Variants in NXN observed in about 807,000 individuals in gnomAD.
NXN encodes the protein nucleoredoxin, also known as nucleoredoxin 1.
A neutral mutation model predicts 48.6 loss-of-function variants in NXN; 16 were observed. The ratio of observed to expected loss-of-function variants is 0.33; its 90% confidence interval spans 0.22 to 0.50. The LOEUF (loss-of-function observed/expected upper bound fraction) is 0.50. Among genes scored for constraint, NXN ranks in the 20% least tolerant of loss-of-function variants. The probability of loss-of-function intolerance (pLI) is 0.98; values close to 1 mark genes in which losing one functional copy is unlikely to be tolerated. For synonymous variants in NXN, 281 were observed against 269.6 expected, an observed-to-expected ratio of 1.04 and a Z score of -0.41; for missense variants, 492 against 605.5, an observed-to-expected ratio of 0.81 and a Z score of 1.97.
At chr17:951,161 AC>A (rs1296466401) in intron 1 of NXN, among the ~76,000 whole-genome samples, 1 of 127,174 alleles carries the variant, frequency 7.9e-6, no homozygotes, top group Non-Finnish European at 1.6e-5. Flanking sequence ...ACATGGTGAA[AC>A]CCTGTCTCTA....
At chr17:816,461 G>A (rs548610330) in intron 5 of NXN, among the ~76,000 whole-genome samples, 11 of 152,080 alleles carry the variant, frequency 7.2e-5, no homozygotes, top group East Asian at 1.9e-4. Flanking sequence ...GTGCGGTTCC[G>A]TCTGCCGGGA....
rs552316106 is a variant in NXN, at chr17:979,766, C to T, written c.-88G>A. The T allele has an allele frequency of 2.7e-6, 3 of 1,129,418 alleles. No individual in the cohort carries two copies. The African/African-American group carries it at 5.0e-5, about 19-fold the overall frequency. The allele number at this position is 1,129,418 out of a possible 1,614,324, so 70.0% of individuals were successfully genotyped here. Reference sequence around the variant, plus strand: ...GAGGCGGCGGCGTCGGCGGCAGGCGCTGGGGAGAGCAGAGCCCGGCCCAGT... The same window carrying T: ...GAGGCGGCGGCGTCGGCGGCAGGCGTTGGGGAGAGCAGAGCCCGGCCCAGT... On this transcript the variant is annotated 5_prime_UTR_variant, in exon 1 of 8. Transcript: ENST00000336868.
rs951247503 is a variant in NXN at position 978,948 on chromosome 17, C to A, written c.360+371G>T. Among the ~76,000 whole-genome samples, 29 of 150,914 alleles carry A rather than the reference C, an allele frequency of 1.9e-4. No homozygotes were observed. The highest frequency in any genetic ancestry group is 6.6e-4 in the African/African-American group (27 of 41,140). Reference sequence around the variant, plus strand: ...GAAGGGGTCGCGGAACCGGGATCCCCGAGCGCAGCCGCCCCCACCCGAGGC... The same window carrying A: ...GAAGGGGTCGCGGAACCGGGATCCCAGAGCGCAGCCGCCCCCACCCGAGGC... On this transcript the variant is annotated intron_variant, in intron 1 of 7. Transcript: ENST00000336868. This position sits in a 1 kb window ranked among gnomAD's most constrained non-coding sequence, Gnocchi z 4.1.
At chr17:809,941 T>C (rs76843450) in intron 5 of NXN, among the ~76,000 whole-genome samples, 14,171 of 94,736 alleles carry the variant, frequency 0.15, 2,389 homozygotes, top group East Asian at 0.26. Context: ...GAGTGGCGTG[T>C]ACGTTACGAG....
At chr17:839,805 A>AT (rs1914037552) in intron 1 of NXN, among the ~76,000 whole-genome samples, 1 of 142,926 alleles carries the variant, frequency 7.0e-6, no homozygotes, top group African/African-American at 2.7e-5. Context: ...GTTAAAAAAA[A>AT]AAAAAAAAAG....
In NXN at chr17:823,682, T is replaced by C; in HGVS notation, c.562A>G (p.Ser188Gly). 1 of 1,614,054 alleles carries C rather than the reference T, an allele frequency of 6.2e-7. No homozygotes were observed. Among genetic ancestry groups the C allele is most frequent in the African/African-American group, 1.3e-5 (1 of 74,996 alleles). Residue 188 changes from serine to glycine, a missense_variant, in exon 3 of 8, where the codon AGC becomes GGC. This residue lies in a region of NXN where 303 missense variants were observed against 388.3 expected (regional missense o/e 0.78). Transcript: ENST00000336868. The part of the protein sequence containing the change: ...LLRNNGQSLE[S>G]SSLEGSHVGV... Reference sequence around the variant, plus strand: ...ACGTGAGACCCCTCCAGGCTGCTGCTCTCCAGAGACTGCCCATTGTTTCTA... The same window carrying C: ...ACGTGAGACCCCTCCAGGCTGCTGCCCTCCAGAGACTGCCCATTGTTTCTA...
At chr17:835,037 G>A (rs1009473979) in intron 1 of NXN, among the ~76,000 whole-genome samples, 37 of 151,726 alleles carry the variant, frequency 2.4e-4, no homozygotes, top group East Asian at 4.0e-4. Flanking sequence ...GGCCTGGCGC[G>A]GTGGCTCACG....
chr17:896,866 C>CGGGG, intron 1 of NXN: 1 of 953,178 alleles, frequency 1.0e-6, no homozygotes, highest in Non-Finnish European at 1.4e-6. Context: ...CACCCGCCCC[C>CGGGG]GGCCCCTCAA....
rs141660954 is a variant in NXN, at chr17:931,708, G to A, written c.360+47611C>T. On this transcript the variant is annotated intron_variant, in intron 1 of 7. Transcript: ENST00000336868. ...AAATTAGCCGGGCGTGGTGGCAGGCGCCTGTAGTCCCAGCTACTCGGGAGG... is the reference window on the plus strand; with the variant it reads ...AAATTAGCCGGGCGTGGTGGCAGGCACCTGTAGTCCCAGCTACTCGGGAGG... Among the ~76,000 whole-genome samples the A allele has an allele frequency of 2.5e-3, 375 of 151,412 alleles. 5 individuals carry two copies. The East Asian group carries it at 0.049, about 20-fold the overall frequency.
At chr17:867,699 G>T (rs1294336195) in intron 1 of NXN, among the ~76,000 whole-genome samples, 1 of 152,120 alleles carries the variant, frequency 6.6e-6, no homozygotes, top group Non-Finnish European at 1.5e-5. Flanking sequence ...GCCAAGGCAG[G>T]TGGAACACCT....
At chr17:967,020 G>T (rs1334076036) in intron 1 of NXN, among the ~76,000 whole-genome samples, 3 of 152,070 alleles carry the variant, frequency 2.0e-5, no homozygotes, top group African/African-American at 2.4e-5. Context: ...TGGTGTGTTG[G>T]GGTCACTGGA....
At chr17:856,035 A>C (rs1352649905) in intron 1 of NXN, among the ~76,000 whole-genome samples, 1 of 152,162 alleles carries the variant, frequency 6.6e-6, no homozygotes, top group Non-Finnish European at 1.5e-5. Flanking sequence ...TCTACTAAAA[A>C]TATAAAAATT....
At chr17:966,791 G>C (rs934345150) in intron 1 of NXN, among the ~76,000 whole-genome samples, 1 of 141,234 alleles carries the variant, frequency 7.1e-6, no homozygotes, top group African/African-American at 2.7e-5. Context: ...GCATTCAGGT[G>C]GGGGGATGAC....
At chr17:809,884 GTACGTTAAGAGTCCCTGTGAGTGCCGT>G (rs1209102676) in intron 5 of NXN, among the ~76,000 whole-genome samples, 35 of 150,860 alleles carry the variant, frequency 2.3e-4, no homozygotes, top group Non-Finnish European at 3.6e-4. Flanking sequence ...TGAGTGGCGT[GTACGTTAAGAGTCCCTGTGAGTGCCGT>G]GCACGTTAAG....
intron 1 of NXN, among the ~76,000 whole-genome samples, chr17:952,029 T>C (rs916079241): frequency 6.6e-6 from 1 of 152,144 alleles, no homozygotes; most frequent in African/African-American, 2.4e-5. Context: ...CGCTCCCTCA[T>C]GGCCAGCGCT....
intron 1 of NXN, among the ~76,000 whole-genome samples, chr17:871,323 A>G (rs2068151206): frequency 6.6e-6 from 1 of 151,810 alleles, no homozygotes; most frequent in Non-Finnish European, 1.5e-5. Context: ...GCCAACAAGT[A>G]ATTGATTCCT....
At chr17:871,399 CTTTTTTTTTT>C (rs11345310) in intron 1 of NXN, among the ~76,000 whole-genome samples, 1 of 101,704 alleles carries the variant, frequency 9.8e-6, no homozygotes, top group Non-Finnish European at 1.9e-5. Flanking sequence ...TACGCATTCA[CTTTTTTTTTT>C]TTTTTTTTTT....
chr17:823,802 C>T, intron 2 of NXN, 37 bp from the exon 3 acceptor site: 1 of 1,612,536 alleles, frequency 6.2e-7, no homozygotes, highest in Non-Finnish European at 8.5e-7. Flanking sequence ...AGGGCTTAGA[C>T]CCTTCTTGAT....
chr17:962,206 T>C (rs745595889), intron 1 of NXN, among the ~76,000 whole-genome samples: 1 of 152,202 alleles, frequency 6.6e-6, no homozygotes, highest in Non-Finnish European at 1.5e-5. Context: ...GAGAAGACTT[T>C]TGACATCATA....
Sources: allele counts gnomAD v4.1 joint callset (sites outside exome capture counted in the v4.1 genomes callset), GRCh38; gene constraint gnomAD v4.1.1; regional missense constraint gnomAD v4.1.1; non-coding constraint Gnocchi (gnomAD v3.1); transcripts MANE v1.5; gene names NCBI Gene and HGNC (gene_info 2026-07-23, HGNC 2026-07-21).